Variants in LRRC56 observed in about 807,000 individuals in gnomAD.
The protein encoded by LRRC56 is leucine rich repeat containing 56, also known as leucine-rich repeat-containing protein 56.
In LRRC56, 41 loss-of-function variants were observed where a neutral mutation model predicts 47.8. That is an observed-to-expected ratio of 0.86 (90% CI 0.67 to 1.11). The LOEUF (loss-of-function observed/expected upper bound fraction) is 1.11. Ranked by LOEUF, LRRC56 falls within the 50% of genes most tolerant of loss-of-function variation. LRRC56 has a pLI of 0.00. For missense variants in LRRC56, 759 were observed against 704.2 expected (o/e 1.08, Z -0.88); for synonymous variants, 387 against 311.2 (o/e 1.24, Z -2.56).
chr11:521,939 T>G, the LRRC56 span, among the ~76,000 whole-genome samples: 1 of 150,400 alleles, frequency 6.6e-6, no homozygotes, highest in Non-Finnish European at 1.5e-5. Context: ...TAAAATCAGC[T>G]GCCCAAAACA....
At chr11:538,574 C>T (rs1851633337) in intron 1 of LRRC56, 24 bp from the exon 2 acceptor site, 1 of 152,454 alleles carries the variant, frequency 6.6e-6, no homozygotes, top group African/African-American at 2.4e-5. Flanking sequence ...CTCCAACACT[C>T]CCACCCACCA....
At chr11:548,124 A>G (rs1235295958) in intron 6 of LRRC56, among the ~76,000 whole-genome samples, 1 of 152,182 alleles carries the variant, frequency 6.6e-6, no homozygotes, top group Non-Finnish European at 1.5e-5. Context: ...TCCATCTCAA[A>G]AAAAAAATTA....
chr11:525,921 C>T, the LRRC56 span, among the ~76,000 whole-genome samples: 1 of 151,164 alleles, frequency 6.6e-6, no homozygotes, highest in South Asian at 2.1e-4. Flanking sequence ...ATAGGCCAGG[C>T]GCGGTGGCTC....
At chr11:527,761 C>T in the LRRC56 span, among the ~76,000 whole-genome samples, 64 of 148,416 alleles carry the variant, frequency 4.3e-4, no homozygotes, top group African/African-American at 1.4e-3. Context: ...AGTGCAATTC[C>T]GCGATCTCGG....
chr11:541,608 C>T lies in LRRC56; in HGVS notation c.249C>T (p.Gly83=). ...AGATGTGTGTGGACACTCGTGAGGG[C>T]AGCCTGGGGAACTTTGGTGAGCCTC... The part of the protein sequence containing the change: ...TLEMCVDTRE[G]SLGNFGVHLP... The change falls in exon 5 of 14, where the codon GGC becomes GGT. Residue 83 remains glycine, a synonymous_variant. Coordinates refer to ENST00000270115, the MANE Select transcript of LRRC56 (RefSeq NM_198075.4). This position sits in a 1 kb window ranked among gnomAD's most constrained non-coding sequence, Gnocchi z 4.1. 6.3e-7 allele frequency: 1 copy of T among 1,578,606 alleles called. No homozygotes were observed. The highest frequency in any genetic ancestry group is 1.2e-5 in the South Asian group (1 of 86,758).
At chr11:543,009 A>G (rs2134031152) in intron 5 of LRRC56, among the ~76,000 whole-genome samples, 1 of 149,320 alleles carries the variant, frequency 6.7e-6, no homozygotes, top group South Asian at 2.1e-4. Flanking sequence ...TTCCTACCTC[A>G]GCCTCCCGAG....
chr11:551,297 C>G lies in LRRC56; in HGVS notation c.791C>G (p.Pro264Arg). Reference protein sequence around the residue: ...EAIKKGNGLPPLDCPRGAPIR... With the variant: ...EAIKKGNGLPRLDCPRGAPIR... ...ATCAAGAAGGGCAACGGCCTTCCCCCGCTGGGTACGGCAGCTGCGCCCGGA... is the reference window on the plus strand; with the variant it reads ...ATCAAGAAGGGCAACGGCCTTCCCCGGCTGGGTACGGCAGCTGCGCCCGGA... Residue 264 changes from proline to arginine, a missense_variant, in exon 9 of 14, where the codon CCG becomes CGG. Pro to Arg is a moderately radical substitution (Grantham distance 103, BLOSUM62 -2). Coordinates refer to ENST00000270115, the MANE Select transcript of LRRC56 (RefSeq NM_198075.4). The G allele has an allele frequency of 6.6e-7, 1 of 1,519,488 alleles. No homozygotes were observed. Among genetic ancestry groups the G allele is most frequent in the Non-Finnish European group, 8.9e-7 (1 of 1,124,564 alleles). 94.1% of individuals were successfully genotyped at this position (1,519,488 alleles called of 1,614,324 possible). A position where few individuals can be genotyped will look rare whatever the true frequency, so the allele number is the denominator to read the frequency against.
the LRRC56 span, among the ~76,000 whole-genome samples, chr11:530,643 G>C: frequency 2.5e-5 from 1 of 40,578 alleles, no homozygotes; most frequent in African/African-American, 1.4e-4. Context: ...AGAGAAGGGC[G>C]AGTGTGGCGT....
chr11:507,647 C>T, the LRRC56 span, among the ~76,000 whole-genome samples: 1 of 152,210 alleles, frequency 6.6e-6, no homozygotes, highest in Non-Finnish European at 1.5e-5. Flanking sequence ...GCGCGGCCCC[C>T]GGAGAAAGCG....
the LRRC56 span, among the ~76,000 whole-genome samples, chr11:531,655 C>A: frequency 1.1e-4 from 16 of 152,318 alleles, no homozygotes; most frequent in Non-Finnish European, 1.6e-4. Context: ...CAACCTCGTC[C>A]ACTCCAGGAG....
At chr11:515,226 A>G in the LRRC56 span, among the ~76,000 whole-genome samples, 2 of 152,214 alleles carry the variant, frequency 1.3e-5, no homozygotes, top group African/African-American at 4.8e-5. Context: ...GGAGACACGA[A>G]TGATGGGATG....
rs759995059 is a variant in LRRC56, at chr11:544,753, T to C, written c.299T>C (p.Leu100Pro). Reference sequence around the variant, plus strand: ...CTGCCCAACCTGGACCAACTGAAGCTGAACGGCAGCCACCTGGGCTCCCTG... The same window carrying C: ...CTGCCCAACCTGGACCAACTGAAGCCGAACGGCAGCCACCTGGGCTCCCTG... Reference protein sequence around the residue: ...VHLPNLDQLKLNGSHLGSLRD... With the variant: ...VHLPNLDQLKPNGSHLGSLRD... Residue 100 changes from leucine (L) to proline (P), a missense_variant, in exon 6 of 14, where the codon CTG becomes CCG. By Grantham distance (98) the Leu-to-Pro change is moderately conservative. Coordinates refer to ENST00000270115, the MANE Select transcript of LRRC56 (RefSeq NM_198075.4). The C allele has an allele frequency of 1.2e-6, 2 of 1,611,652 alleles. No individual in the cohort carries two copies. Among genetic ancestry groups the C allele is most frequent in the Non-Finnish European group, 1.7e-6 (2 of 1,179,840 alleles).
chr11:551,565 G>A (rs1852391654), intron 9 of LRRC56, 86 bp from the exon 10 acceptor site: 2 of 1,433,542 alleles, frequency 1.4e-6, no homozygotes, highest in Non-Finnish European at 1.9e-6. Context: ...TGCAGCATGG[G>A]GATTGGGGCC....
intron 6 of LRRC56, among the ~76,000 whole-genome samples, chr11:547,012 G>A (rs1852115360): frequency 6.6e-6 from 1 of 151,904 alleles, no homozygotes; most frequent in South Asian, 2.1e-4. Context: ...AGCCAAGATT[G>A]CTCCATTGCA....
At chr11:532,171 G>A in the LRRC56 span, 6 of 293,430 alleles carry the variant, frequency 2.0e-5, no homozygotes, top group Non-Finnish European at 3.3e-5. Flanking sequence ...GGCTGGACAG[G>A]CCTGAGGTTC....
the LRRC56 span, among the ~76,000 whole-genome samples, chr11:520,605 C>T: frequency 6.6e-6 from 1 of 152,166 alleles, no homozygotes; most frequent in Non-Finnish European, 1.5e-5. Flanking sequence ...AGGCATGAGC[C>T]ACCGCGCCCG....
Position 541,594 on chromosome 11 carries a change from G to T in LRRC56, c.235G>T (p.Asp79Tyr), listed in dbSNP as rs1175931901. The change falls in exon 5 of 14, where the codon GAC becomes TAC. Residue 79 changes from aspartate to tyrosine, a missense_variant. Physicochemically the swap from Asp to Tyr is radical, Grantham distance 160 (BLOSUM62 -3). Transcript: ENST00000270115. The surrounding 1 kb of genome is among the most constrained non-coding windows in gnomAD (Gnocchi z 4.1). ...GGTGAGGACGCTGGAGATGTGTGTG[G>T]ACACTCGTGAGGGCAGCCTGGGGAA... ...RLVRTLEMCV[D>Y]TREGSLGNFG... The T allele has an allele frequency of 5.0e-6, 8 of 1,589,932 alleles. No individual in the cohort carries two copies. Among genetic ancestry groups the T allele is most frequent in the East Asian group, 2.4e-5 (1 of 42,552 alleles).
At chr11:526,773 C>T in the LRRC56 span, among the ~76,000 whole-genome samples, 1 of 151,322 alleles carries the variant, frequency 6.6e-6, no homozygotes, top group Non-Finnish European at 1.5e-5. Context: ...CCCGTCTCTA[C>T]TAAAAATACA....
intron 6 of LRRC56, among the ~76,000 whole-genome samples, chr11:545,957 G>C (rs1852052696): frequency 6.6e-6 from 1 of 152,110 alleles, no homozygotes; most frequent in Admixed American, 6.6e-5. Context: ...TTCCTTATTT[G>C]TACTTCTGTT....
Sources: gnomAD v4.1 joint callset for allele counts (sites outside exome capture counted in the v4.1 genomes callset) on GRCh38, gnomAD v4.1.1 for gene constraint, Gnocchi (gnomAD v3.1) non-coding constraint, MANE v1.5 for transcripts, NCBI Gene and HGNC (gene_info 2026-07-23, HGNC 2026-07-21) for gene names.